Variants in NRCAM observed in about 807,000 individuals in gnomAD.
NRCAM encodes the protein neuronal cell adhesion molecule, also known as NgCAM-related cell adhesion molecule.
A neutral mutation model predicts 156.5 loss-of-function variants in NRCAM; 83 were observed. The ratio of observed to expected loss-of-function variants is 0.53; its 90% CI spans 0.44 to 0.64. NRCAM has a LOEUF of 0.64. Among genes scored for constraint, NRCAM ranks in the 30% least tolerant of loss-of-function variants. NRCAM has a pLI of 0.00. For missense variants in NRCAM, 1,417 were observed against 1,597.3 expected (o/e 0.89, Z 1.92); for synonymous variants, 538 against 563.9 (o/e 0.95, Z 0.65).
At chr7:108,287,917 C>T (rs867898026) in intron 3 of NRCAM, among the ~76,000 whole-genome samples, 4 of 152,020 alleles carry the variant, frequency 2.6e-5, no homozygotes, top group African/African-American at 4.8e-5. Context: ...CACCTGTACT[C>T]ATATATTTAT....
intron 2 of NRCAM, among the ~76,000 whole-genome samples, chr7:108,396,607 T>C (rs2099777591): frequency 6.6e-6 from 1 of 152,198 alleles, no homozygotes; most frequent in Admixed American, 6.5e-5. Context: ...CACAAAGAAA[T>C]CATAAATGTT....
rs549151001 is a variant in NRCAM, at chr7:108,248,674, C to T, written c.-106-8504G>A. Reference sequence around the variant, plus strand: ...ATGCTGCCAACTCAACAAATGTCTTCCAAAGTCCCCATGCTCTCCTGCTTT... The same window carrying T: ...ATGCTGCCAACTCAACAAATGTCTTTCAAAGTCCCCATGCTCTCCTGCTTT... On this transcript the variant is annotated intron_variant, in intron 3 of 32. Transcript: ENST00000379028. Among the ~76,000 whole-genome samples the T allele has an allele frequency of 2.6e-5, 4 of 152,244 alleles. No individual in the cohort carries two copies. The East Asian group carries it at 7.7e-4, about 29-fold the overall frequency.
chr7:108,160,250 A>G, intron 31 of NRCAM, 111 bp downstream of exon 31: 1 of 1,068,964 alleles, frequency 9.4e-7, no homozygotes, highest in Non-Finnish European at 1.4e-6. Flanking sequence ...GTCCAAACTC[A>G]TGGCTCTGGG....
chr7:108,213,379 G>T (rs2085842676), intron 11 of NRCAM, among the ~76,000 whole-genome samples: 1 of 151,982 alleles, frequency 6.6e-6, no homozygotes, highest in Non-Finnish European at 1.5e-5. Context: ...AGGTACACAG[G>T]CAACAAATAG....
At chr7:108,181,660 T>G (rs1418205789) in intron 24 of NRCAM, among the ~76,000 whole-genome samples, 162 bp downstream of exon 24, 3 of 151,438 alleles carry the variant, frequency 2.0e-5, no homozygotes, top group African/African-American at 7.3e-5. Flanking sequence ...TCAAGTCAAC[T>G]CTGGCAGTGG....
rs184849860 is a variant in NRCAM at position 108,180,828 on chromosome 7, G to A, written c.2647-401C>T. On this transcript the variant is annotated intron_variant, in intron 24 of 32. Transcript: ENST00000379028. ...TTTTCCAGAATTAATACATGTTCAC[G>A]TACAACCTATCATGTAGTGATTGTA... is the stretch of plus-strand genomic sequence containing the variant. Among the ~76,000 whole-genome samples, 344 of 152,198 alleles carry A rather than the reference G, an allele frequency of 2.3e-3. 1 individual carries two copies. The highest frequency in any genetic ancestry group is 7.9e-3 in the African/African-American group (327 of 41,518).
At chr7:108,212,862 A>G (rs1156664617) in intron 11 of NRCAM, among the ~76,000 whole-genome samples, 1 of 152,216 alleles carries the variant, frequency 6.6e-6, no homozygotes, top group East Asian at 1.9e-4. Flanking sequence ...TGGCCTTGCT[A>G]GGGACCTAGA....
intron 1 of NRCAM, among the ~76,000 whole-genome samples, chr7:108,417,443 C>T (rs1803009980): frequency 6.6e-6 from 1 of 152,126 alleles, no homozygotes; most frequent in South Asian, 2.1e-4. Flanking sequence ...AACAACAATC[C>T]TACCTATAAG....
intron 28 of NRCAM, among the ~76,000 whole-genome samples, chr7:108,170,421 C>A (rs889774580): frequency 2.6e-5 from 4 of 152,196 alleles, no homozygotes; most frequent in Non-Finnish European, 1.5e-5. Context: ...ACCTGCCTCC[C>A]ATTCTTTTCA....
At chr7:108,185,038 G>A (rs908512172) in intron 20 of NRCAM, among the ~76,000 whole-genome samples, 1 of 151,990 alleles carries the variant, frequency 6.6e-6, no homozygotes, top group African/African-American at 2.4e-5. Flanking sequence ...TATATGAAAA[G>A]ATGATCAAAT....
At chr7:108,188,030 C>T (rs2068270956) in intron 20 of NRCAM, among the ~76,000 whole-genome samples, 1 of 152,078 alleles carries the variant, frequency 6.6e-6, no homozygotes, top group Admixed American at 6.5e-5. Context: ...GCAAGGAAGC[C>T]TGAAGGAGGG....
At position 108,160,512 on chromosome 7, in the gene NRCAM, T is replaced by G; in HGVS notation, c.3467-20A>C. The G allele has an allele frequency of 6.2e-7, 1 of 1,610,970 alleles. No homozygotes were observed. Among genetic ancestry groups the G allele is most frequent in the South Asian group, 1.1e-5 (1 of 90,436 alleles). On this transcript the variant is annotated intron_variant, in intron 30 of 32. Coordinates refer to ENST00000379028, the MANE Select transcript of NRCAM (RefSeq NM_001037132.4). Reference sequence around the variant, plus strand: ...CCATCGCTGGAAAACAAATCAATGGTGTTGGTGGCAATAGGTTAAGGGGAG... The same window carrying G: ...CCATCGCTGGAAAACAAATCAATGGGGTTGGTGGCAATAGGTTAAGGGGAG...
chr7:108,373,450 C>T (rs1042542567), intron 2 of NRCAM, among the ~76,000 whole-genome samples: 4 of 152,116 alleles, frequency 2.6e-5, no homozygotes, highest in African/African-American at 9.7e-5. Flanking sequence ...GAGATGTAGA[C>T]CTGTTCAGAG....
intron 3 of NRCAM, among the ~76,000 whole-genome samples, chr7:108,281,503 A>C (rs2097856674): frequency 6.6e-6 from 1 of 152,252 alleles, no homozygotes; most frequent in African/African-American, 2.4e-5. Flanking sequence ...TCTTGAGATT[A>C]TGAATCAAAA....
rs1176701804 is a variant in NRCAM, at chr7:108,331,710, T to C, written c.-173-18979A>G. ...ATCTATGAATGAAAAGATGTGTAGATGATTCTTTCAGGACTTCATCCAGAA... is the reference window on the plus strand; with the variant it reads ...ATCTATGAATGAAAAGATGTGTAGACGATTCTTTCAGGACTTCATCCAGAA... On this transcript the variant is annotated intron_variant, in intron 2 of 32. Coordinates refer to ENST00000379028, the MANE Select transcript of NRCAM (RefSeq NM_001037132.4). Among the ~76,000 whole-genome samples, 5 of 152,288 alleles carry C rather than the reference T, an allele frequency of 3.3e-5. No individual in the cohort carries two copies. The East Asian group carries it at 5.8e-4, about 18-fold the overall frequency.
At chr7:108,374,542 G>A (rs761738783) in intron 2 of NRCAM, among the ~76,000 whole-genome samples, 4 of 151,992 alleles carry the variant, frequency 2.6e-5, no homozygotes, top group Non-Finnish European at 4.4e-5. Context: ...TCTTAATGAG[G>A]CTCATTTCTG....
intron 2 of NRCAM, among the ~76,000 whole-genome samples, chr7:108,394,682 G>A (rs968811172): frequency 3.9e-5 from 6 of 152,268 alleles, no homozygotes; most frequent in Admixed American, 6.5e-5. Flanking sequence ...TTATCCAGGT[G>A]GATATTGGGA....
chr7:108,303,003 C>G (rs1399806406), intron 3 of NRCAM, among the ~76,000 whole-genome samples: 2 of 152,058 alleles, frequency 1.3e-5, no homozygotes, highest in Non-Finnish European at 2.9e-5. Flanking sequence ...GCTCTGCAGC[C>G]CAGGTTGGAG....
intron 3 of NRCAM, among the ~76,000 whole-genome samples, chr7:108,272,737 T>A (rs2097411265): frequency 6.6e-6 from 1 of 152,016 alleles, no homozygotes; most frequent in African/African-American, 2.4e-5. Context: ...CTAAAAATAA[T>A]CCAGAATTCT....
Sources: gnomAD v4.1 joint callset for allele counts (sites outside exome capture counted in the v4.1 genomes callset) on GRCh38, gnomAD v4.1.1 for gene constraint, MANE v1.5 for transcripts, NCBI Gene and HGNC (gene_info 2026-07-23, HGNC 2026-07-21) for gene names.